Variants in VIPR2 observed in about 807,000 individuals in gnomAD.
VIPR2 encodes the protein vasoactive intestinal peptide receptor 2.
Under a neutral mutation model 58.0 loss-of-function variants are expected in VIPR2, and 48 were observed. The ratio of observed to expected loss-of-function variants is 0.83; its 90% CI spans 0.66 to 1.05. VIPR2 has a LOEUF of 1.05. Among genes scored for constraint, VIPR2 ranks in the 50% least tolerant of loss-of-function variants. VIPR2 has a pLI of 0.00. For synonymous variants in VIPR2, 243 were observed against 235.2 expected, an observed-to-expected ratio of 1.03 and a Z score of -0.30; for missense variants, 534 against 558.0, an observed-to-expected ratio of 0.96 and a Z score of 0.43.
At position 159,058,511 on chromosome 7, in the gene VIPR2, G is replaced by A. The variant is rs1404460798; in HGVS notation, c.425C>T (p.Ala142Val). ...GAGGCACAGAATTATGCTTCCTGTTGCAAGAGACATCAGAGAGACACTGTA... is the reference window on the plus strand; with the variant it reads ...GAGGCACAGAATTATGCTTCCTGTTACAAGAGACATCAGAGAGACACTGTA... Reference protein sequence around the residue: ...LGYSVSLMSLATGSIILCLFR... With the variant: ...LGYSVSLMSLVTGSIILCLFR... The change falls in exon 5 of 13, where the codon GCA becomes GTA. Residue 142 changes from alanine to valine, a missense_variant. Transcript: ENST00000262178. 1 of 1,613,382 alleles carries A rather than the reference G, an allele frequency of 6.2e-7. No individual in the cohort carries two copies. Among genetic ancestry groups the A allele is most frequent in the Non-Finnish European group, 8.5e-7 (1 of 1,179,358 alleles).
intron 2 of VIPR2, among the ~76,000 whole-genome samples, chr7:159,117,906 C>T (rs1012597922): frequency 6.6e-6 from 1 of 152,206 alleles, no homozygotes; most frequent in Non-Finnish European, 1.5e-5. Context: ...GCCATCGGCT[C>T]GGATGACAGC....
At chr7:159,067,075 G>A (rs934919299) in intron 4 of VIPR2, among the ~76,000 whole-genome samples, 13 of 152,206 alleles carry the variant, frequency 8.5e-5, no homozygotes, top group African/African-American at 3.1e-4. Flanking sequence ...AGTTGCACCA[G>A]CCATATTTTG....
At chr7:159,108,867 A>C (rs370180887) in intron 3 of VIPR2, among the ~76,000 whole-genome samples, 208 of 152,336 alleles carry the variant, frequency 1.4e-3, no homozygotes, top group African/African-American at 4.8e-3. Flanking sequence ...CAGGTTCTCT[A>C]AAGTGACTTA....
At chr7:159,120,622 C>T (rs1323394843) in intron 2 of VIPR2, among the ~76,000 whole-genome samples, 4 of 152,310 alleles carry the variant, frequency 2.6e-5, no homozygotes, top group East Asian at 1.9e-4. Context: ...GAACATGTTC[C>T]GACACAACAC....
At chr7:159,049,218 C>T (rs1416541539) in intron 5 of VIPR2, among the ~76,000 whole-genome samples, 1 of 152,214 alleles carries the variant, frequency 6.6e-6, no homozygotes, top group Non-Finnish European at 1.5e-5. Flanking sequence ...GTTTACAACT[C>T]TCTTAGAACA....
intron 4 of VIPR2, among the ~76,000 whole-genome samples, chr7:159,059,865 A>G (rs1487906273): frequency 6.6e-6 from 1 of 150,652 alleles, no homozygotes; most frequent in African/African-American, 2.5e-5. Flanking sequence ...CATCTAACCC[A>G]TACTCCACCT....
intron 4 of VIPR2, among the ~76,000 whole-genome samples, chr7:159,065,465 C>T (rs1233245467): frequency 2.0e-5 from 3 of 152,208 alleles, no homozygotes; most frequent in Non-Finnish European, 2.9e-5. Context: ...GGAGGCTGCA[C>T]AGTTCTCACA....
chr7:159,119,849 T>C (rs1277193744), intron 2 of VIPR2, among the ~76,000 whole-genome samples: 1 of 149,802 alleles, frequency 6.7e-6, no homozygotes, highest in Non-Finnish European at 1.5e-5. Flanking sequence ...AAGAAACACC[T>C]GTCCCCCTTG....
intron 2 of VIPR2, among the ~76,000 whole-genome samples, chr7:159,134,045 T>C (rs1797097010): frequency 6.6e-6 from 1 of 152,228 alleles, no homozygotes; most frequent in Non-Finnish European, 1.5e-5. Context: ...ACTCTGAAAT[T>C]ATACTAAGTT....
intron 4 of VIPR2, among the ~76,000 whole-genome samples, chr7:159,065,715 T>C (rs1330032117): frequency 6.6e-6 from 1 of 152,146 alleles, no homozygotes; most frequent in Non-Finnish European, 1.5e-5. Flanking sequence ...CGAGAAGACA[T>C]CAGGGACACA....
intron 1 of VIPR2, among the ~76,000 whole-genome samples, chr7:159,143,658 C>A (rs969651310): frequency 2.0e-5 from 3 of 152,128 alleles, no homozygotes; most frequent in Non-Finnish European, 1.5e-5. Context: ...TCATGCAGGA[C>A]AAGTAAGTGG....
At chr7:159,144,400 C>T in intron 1 of VIPR2, 3 of 1,545,686 alleles carry the variant, frequency 1.9e-6, no homozygotes, top group Non-Finnish European at 2.6e-6. Flanking sequence ...TCCCAGCTCC[C>T]GGGACGGCCC....
At chr7:159,132,400 C>CA (rs1390855135) in intron 2 of VIPR2, among the ~76,000 whole-genome samples, 1 of 142,370 alleles carries the variant, frequency 7.0e-6, no homozygotes, top group African/African-American at 2.6e-5. Flanking sequence ...ACAGGGACTG[C>CA]ACTGGAACCT....
intron 4 of VIPR2, among the ~76,000 whole-genome samples, chr7:159,081,274 A>G (rs1856885742): frequency 6.6e-6 from 1 of 152,252 alleles, no homozygotes; most frequent in South Asian, 2.1e-4. Context: ...ACAGAGAGAT[A>G]GACCAATGGA....
chr7:159,116,394 GGCATGGTCAGTGCCC>G (rs564760932), intron 2 of VIPR2, among the ~76,000 whole-genome samples: 2 of 152,170 alleles, frequency 1.3e-5, no homozygotes, highest in African/African-American at 2.4e-5. Context: ...GGTTGGCACC[GGCATGGTCAGTGCCC>G]GCATGGTCAG....
rs372235453 is a variant in VIPR2 at position 159,113,124 on chromosome 7, G to A, written c.152-3205C>T. ...TGTTTTATACTCAGAAAAGGAAACA[G>A]AAGCGAAACTAAAGGCAGGTAGCCC... On this transcript the variant is annotated intron_variant, in intron 2 of 12. Transcript: ENST00000262178. 1.3e-4 allele frequency among the ~76,000 whole-genome samples: 20 copies of A among 152,326 alleles called. No homozygotes were observed. The East Asian group carries it at 2.3e-3, about 18-fold the overall frequency.
rs548682997 is a variant in VIPR2 at position 159,098,814 on chromosome 7, C to T, written c.357+4943G>A. Among the ~76,000 whole-genome samples, 16 of 152,326 alleles carry T rather than the reference C, an allele frequency of 1.1e-4. No homozygotes were observed. Among genetic ancestry groups the T allele is most frequent in the African/African-American group, 3.4e-4 (14 of 41,564 alleles). ...ATGATTGCACACACAACACCCAGGG[C>T]AGACTTTGGCCCTGTGCAAGCAGGA... On this transcript the variant is annotated intron_variant, in intron 4 of 12. Transcript: ENST00000262178. The surrounding 1 kb of genome is among the most constrained non-coding windows in gnomAD (Gnocchi z 5.2).
Position 159,090,857 on chromosome 7 carries a change from C to T in VIPR2, c.357+12900G>A, listed in dbSNP as rs1437223110. On this transcript the variant is annotated intron_variant, in intron 4 of 12. Coordinates refer to ENST00000262178, the MANE Select transcript of VIPR2 (RefSeq NM_003382.5). ...CACCTCTTGTGACCATCACAATCCC[C>T]GGTGACCTCAGCAGAGACACACTGG... Among the ~76,000 whole-genome samples, 694 of 111,598 alleles carry T rather than the reference C, an allele frequency of 6.2e-3. 23 individuals carry two copies. The highest frequency in any genetic ancestry group is 0.021 in the African/African-American group (628 of 29,620). The allele number at this position is 111,598 out of a possible 152,430, so 73.2% of individuals were successfully genotyped here. A position where few individuals can be genotyped will look rare whatever the true frequency, so the allele number is the denominator to read the frequency against.
At chr7:159,037,104 T>C (rs1403952170) in intron 6 of VIPR2, among the ~76,000 whole-genome samples, 2 of 152,070 alleles carry the variant, frequency 1.3e-5, no homozygotes, top group East Asian at 3.9e-4. Context: ...GACCTTTGTA[T>C]CCGCGGCTCC....
Sources: gnomAD v4.1 joint callset for allele counts (sites outside exome capture counted in the v4.1 genomes callset) on GRCh38, gnomAD v4.1.1 for gene constraint, Gnocchi (gnomAD v3.1) non-coding constraint, MANE v1.5 for transcripts, NCBI Gene and HGNC (gene_info 2026-07-23, HGNC 2026-07-21) for gene names.